The following DNER variants were observed in gnomAD, a reference collection of about 807,000 sequenced individuals.
DNER encodes delta/notch like EGF repeat containing, also known as delta and Notch-like epidermal growth factor-related receptor.
DNER carries 33 observed loss-of-function variants against 78.2 expected under a neutral mutation model. The observed-to-expected ratio is 0.42, with a 90% CI of 0.32 to 0.56. DNER has a LOEUF of 0.56. DNER is among the 20% of genes least tolerant of loss of function. The pLI is 0.11. For synonymous variants in DNER, 417 were observed against 384.8 expected, an observed-to-expected ratio of 1.08 and a Z score of -0.98; for missense variants, 918 against 975.3, an observed-to-expected ratio of 0.94 and a Z score of 0.78.
At chr2:229,491,529 A>G (rs1413262161) in intron 6 of DNER, among the ~76,000 whole-genome samples, 1 of 152,230 alleles carries the variant, frequency 6.6e-6, no homozygotes, top group African/African-American at 2.4e-5. Flanking sequence ...TGCATAGCAT[A>G]TAACTATTTC....
At chr2:229,550,354 G>A (rs895690509) in intron 4 of DNER, among the ~76,000 whole-genome samples, 1 of 152,042 alleles carries the variant, frequency 6.6e-6, no homozygotes, top group African/African-American at 2.4e-5. Context: ...TCATAGTTCA[G>A]GCATCACAAC....
intron 8 of DNER, among the ~76,000 whole-genome samples, chr2:229,439,464 T>C (rs1423639329): frequency 6.6e-6 from 1 of 152,214 alleles, no homozygotes; most frequent in Non-Finnish European, 1.5e-5. Flanking sequence ...GTAATGCTGA[T>C]AGAGGCCAAT....
intron 1 of DNER, among the ~76,000 whole-genome samples, chr2:229,711,008 C>T (rs561747541): frequency 1.3e-5 from 2 of 151,562 alleles, no homozygotes; most frequent in African/African-American, 4.8e-5. Flanking sequence ...CACACACACA[C>T]ACACACACAC....
chr2:229,544,812 G>C (rs1696588421), intron 5 of DNER, among the ~76,000 whole-genome samples: 1 of 152,174 alleles, frequency 6.6e-6, no homozygotes, highest in Non-Finnish European at 1.5e-5. Flanking sequence ...GGGATTACAG[G>C]CGTGAGCCAC....
chr2:229,664,207 T>G (rs1395225678), intron 1 of DNER, among the ~76,000 whole-genome samples: 3 of 152,116 alleles, frequency 2.0e-5, no homozygotes, highest in Admixed American at 2.0e-4. Context: ...TAAATAGGAA[T>G]TTTCTCCCAG....
intron 12 of DNER, among the ~76,000 whole-genome samples, chr2:229,362,993 T>C (rs1251633058): frequency 6.6e-6 from 1 of 152,190 alleles, no homozygotes; most frequent in Admixed American, 6.6e-5. Context: ...AAACTGAACA[T>C]GTCCTCCATT....
intron 11 of DNER, among the ~76,000 whole-genome samples, chr2:229,381,141 G>T (rs925276603): frequency 2.0e-5 from 3 of 151,924 alleles, no homozygotes; most frequent in African/African-American, 7.3e-5. Flanking sequence ...AGCAGGATGG[G>T]GTGTCGCCTC....
At chr2:229,479,128 C>T (rs892945186) in intron 6 of DNER, among the ~76,000 whole-genome samples, 1 of 152,168 alleles carries the variant, frequency 6.6e-6, no homozygotes, top group Non-Finnish European at 1.5e-5. Flanking sequence ...ATCCATGTCC[C>T]TGCAAAGGAC....
chr2:229,567,907 T>C (rs1697142631), intron 4 of DNER, among the ~76,000 whole-genome samples: 1 of 152,226 alleles, frequency 6.6e-6, no homozygotes, highest in South Asian at 2.1e-4. Flanking sequence ...TGATCATCAA[T>C]TCTTTCTGTA....
intron 9 of DNER, among the ~76,000 whole-genome samples, chr2:229,412,640 G>C (rs1025958121): frequency 6.6e-6 from 1 of 152,150 alleles, no homozygotes; most frequent in Non-Finnish European, 1.5e-5. Flanking sequence ...CCATAGGAGT[G>C]GATGAAAGCA....
chr2:229,684,958 A>G (rs1699459577), intron 1 of DNER, among the ~76,000 whole-genome samples: 1 of 152,244 alleles, frequency 6.6e-6, no homozygotes, highest in Non-Finnish European at 1.5e-5. Flanking sequence ...ATGACCTAGT[A>G]AAAATAAAGA....
intron 6 of DNER, among the ~76,000 whole-genome samples, chr2:229,489,475 G>A (rs541987503): frequency 1.3e-5 from 2 of 151,846 alleles, no homozygotes; most frequent in South Asian, 2.1e-4. Flanking sequence ...GAGAGAGGCC[G>A]GCAACATGAC....
intron 1 of DNER, among the ~76,000 whole-genome samples, chr2:229,666,450 G>C (rs1377169005): frequency 1.3e-5 from 2 of 152,192 alleles, no homozygotes; most frequent in Admixed American, 6.5e-5. Flanking sequence ...CATATTTTAA[G>C]AAGCTAAACT....
intron 4 of DNER, among the ~76,000 whole-genome samples, chr2:229,574,144 A>G (rs1274404979): frequency 7.2e-5 from 11 of 152,236 alleles, no homozygotes; most frequent in Non-Finnish European, 1.6e-4. Context: ...GTCCTGAGCG[A>G]AAACTGGAAG....
At chr2:229,637,060 C>T (rs758635408) in intron 1 of DNER, among the ~76,000 whole-genome samples, 4 of 152,210 alleles carry the variant, frequency 2.6e-5, no homozygotes, top group African/African-American at 9.7e-5. Context: ...CTGTGAGGAA[C>T]CATTACAGGT....
chr2:229,621,740 T>G (rs1436209341), intron 1 of DNER, among the ~76,000 whole-genome samples: 1 of 152,178 alleles, frequency 6.6e-6, no homozygotes, highest in Non-Finnish European at 1.5e-5. Flanking sequence ...TTTTCTTACT[T>G]GGGCCTTTTG....
chr2:229,516,830 G>A (rs1337159783), intron 5 of DNER, among the ~76,000 whole-genome samples: 2 of 135,274 alleles, frequency 1.5e-5, no homozygotes, highest in Non-Finnish European at 3.3e-5. Context: ...GAAAAAGGCC[G>A]GGCACGGTGG....
chr2:229,446,601 T>C (rs1443604686), intron 8 of DNER, among the ~76,000 whole-genome samples: 3 of 152,122 alleles, frequency 2.0e-5, no homozygotes, highest in Non-Finnish European at 4.4e-5. Flanking sequence ...GATGGAGACA[T>C]ACACAGAATA....
In DNER at chr2:229,447,359, C is replaced by T. The variant is rs144811178; in HGVS notation, c.1443G>A (p.Thr481=). The change falls in exon 8 of 13, where the codon ACG becomes ACA. Residue 481 remains threonine, a synonymous_variant. Transcript: ENST00000341772. ...TGTAGCTGGTGCCCACGCTGCGGCA[C>T]GTGCCATGAGCACAGGGGCTGAGGG... ...FCALSPCAHG[T]CRSVGTSYKC... 38 of 1,611,432 alleles carry T rather than the reference C, an allele frequency of 2.4e-5. No homozygotes were observed. Among genetic ancestry groups the T allele is most frequent in the Non-Finnish European group, 2.9e-5 (34 of 1,178,984 alleles).
Sources: gnomAD v4.1 joint callset for allele counts (sites outside exome capture counted in the v4.1 genomes callset) on GRCh38, gnomAD v4.1.1 for gene constraint, MANE v1.5 for transcripts, NCBI Gene and HGNC (gene_info 2026-07-23, HGNC 2026-07-21) for gene names.